Variants in TENM3 observed in about 807,000 individuals in gnomAD.
TENM3 encodes teneurin-3.
A neutral mutation model predicts 255.1 loss-of-function variants in TENM3; 63 were observed. The ratio of observed to expected loss-of-function variants is 0.25; its 90% CI spans 0.20 to 0.30. The LOEUF is 0.30. Among genes scored for constraint, TENM3 ranks in the 10% least tolerant of loss-of-function variants. The probability of loss-of-function intolerance (pLI) is 1.00; values close to 1 mark genes in which losing one functional copy is unlikely to be tolerated. For synonymous variants in TENM3, 1,306 were observed against 1,322.3 expected, an observed-to-expected ratio of 0.99 and a Z score of 0.27; for missense variants, 2,929 against 3,461.1, an observed-to-expected ratio of 0.85 and a Z score of 3.86.
intron 1 of TENM3, among the ~76,000 whole-genome samples, chr4:182,308,314 A>G (rs1370491942): frequency 6.6e-6 from 1 of 150,520 alleles, no homozygotes. Flanking sequence ...GATTATGCAC[A>G]TATTTGGTTT....
the TENM3 span, among the ~76,000 whole-genome samples, chr4:181,934,260 A>G: frequency 1.3e-5 from 2 of 152,146 alleles, no homozygotes; most frequent in African/African-American, 4.8e-5. Flanking sequence ...TTGAGTCTGT[A>G]CAGTGCACTA....
intron 3 of TENM3, among the ~76,000 whole-genome samples, chr4:182,585,236 T>G (rs559993227): frequency 6.6e-6 from 1 of 152,290 alleles, no homozygotes; most frequent in African/African-American, 2.4e-5. Context: ...AGGTGAGGAA[T>G]TGGAGTATTT....
the TENM3 span, among the ~76,000 whole-genome samples, chr4:181,683,006 C>A: frequency 2.0e-5 from 3 of 150,798 alleles, no homozygotes; most frequent in Admixed American, 6.6e-5. Context: ...TTGAGACCAG[C>A]CTTGGCAACA....
rs1442838710 is a variant in TENM3 at position 182,800,933 on chromosome 4, A to G, written c.*582A>G. On this transcript the variant is annotated 3_prime_UTR_variant, in exon 28 of 28. Transcript: ENST00000511685. ...ATGCTAACGTGGTTTCCCTTCGGGG[A>G]AAAAACTGGCAACTAGAATCCTTGT... is the stretch of plus-strand genomic sequence containing the variant. 6.6e-6 allele frequency: 1 copy of G among 152,648 alleles called. No homozygotes were observed. Among genetic ancestry groups the G allele is most frequent in the Non-Finnish European group, 1.5e-5 (1 of 68,054 alleles). 9.5% of individuals were successfully genotyped at this position (152,648 alleles called of 1,614,324 possible).
At chr4:181,704,735 T>C in the TENM3 span, among the ~76,000 whole-genome samples, 1 of 151,988 alleles carries the variant, frequency 6.6e-6, no homozygotes, top group African/African-American at 2.4e-5. Flanking sequence ...ATTTTAGTGA[T>C]AAAGGAGAGA....
chr4:181,482,258 T>C, the TENM3 span, among the ~76,000 whole-genome samples: 5 of 152,282 alleles, frequency 3.3e-5, no homozygotes, highest in South Asian at 1.0e-3. Flanking sequence ...CAACTTCTCC[T>C]TTCTACACTT....
chr4:182,380,471 G>A (rs1767489784), intron 3 of TENM3, among the ~76,000 whole-genome samples: 1 of 152,154 alleles, frequency 6.6e-6, no homozygotes, highest in African/African-American at 2.4e-5. Flanking sequence ...TGCAGTGCCT[G>A]GCATTGCGTA....
chr4:182,049,990 A>AT, the TENM3 span, among the ~76,000 whole-genome samples: 12 of 110,858 alleles, frequency 1.1e-4, no homozygotes, highest in Non-Finnish European at 2.3e-4. Context: ...ATTTTTTTTA[A>AT]TTAAAAAAAA....
At chr4:181,472,572 C>T in the TENM3 span, among the ~76,000 whole-genome samples, 2 of 151,930 alleles carry the variant, frequency 1.3e-5, no homozygotes, top group African/African-American at 2.4e-5. Context: ...GGATGCTGGG[C>T]AAGGGCAGGA....
At chr4:182,666,743 CAAA>C (rs1202867363) in intron 6 of TENM3, among the ~76,000 whole-genome samples, 1 of 151,658 alleles carries the variant, frequency 6.6e-6, no homozygotes, top group Non-Finnish European at 1.5e-5. Flanking sequence ...CAAAAAATAC[CAAA>C]AAATTAGCCA....
the TENM3 span, among the ~76,000 whole-genome samples, chr4:181,896,198 G>A: frequency 3.6e-3 from 542 of 152,254 alleles, 1 homozygote; most frequent in South Asian, 0.016. Context: ...TGATTTGTTG[G>A]GAAGTGAATG....
chr4:181,775,575 T>C, the TENM3 span, among the ~76,000 whole-genome samples: 1 of 152,194 alleles, frequency 6.6e-6, no homozygotes, highest in Non-Finnish European at 1.5e-5. Flanking sequence ...TTATGTTTTC[T>C]ACTAAGTTAT....
At chr4:182,798,943 T>A (rs189297437) in intron 27 of TENM3, among the ~76,000 whole-genome samples, 4 of 152,278 alleles carry the variant, frequency 2.6e-5, no homozygotes. Flanking sequence ...TTTAAAACAT[T>A]TGCCAGTCTA....
At chr4:182,737,497 G>A (rs1761256395) in intron 17 of TENM3, among the ~76,000 whole-genome samples, 1 of 152,138 alleles carries the variant, frequency 6.6e-6, no homozygotes, top group African/African-American at 2.4e-5. Flanking sequence ...TAACAGGATA[G>A]CAGACATTTG....
intron 2 of TENM3, among the ~76,000 whole-genome samples, chr4:182,343,203 C>G (rs561929166): frequency 2.0e-5 from 3 of 152,290 alleles, no homozygotes; most frequent in Admixed American, 2.0e-4. Context: ...CTAACCTTGC[C>G]TTTTAATCAC....
intron 5 of TENM3, among the ~76,000 whole-genome samples, chr4:182,642,283 T>C (rs1752383960): frequency 6.6e-6 from 1 of 152,198 alleles, no homozygotes; most frequent in Non-Finnish European, 1.5e-5. Context: ...CAGTCTGTTT[T>C]AGAAATTCTA....
the TENM3 span, among the ~76,000 whole-genome samples, chr4:181,998,458 TC>T: frequency 1.3e-5 from 2 of 152,148 alleles, no homozygotes; most frequent in Admixed American, 6.6e-5. Context: ...AGACATTGTT[TC>T]CCCCGTACCC....
chr4:182,119,698 GA>G, the TENM3 span, among the ~76,000 whole-genome samples: 1 of 151,730 alleles, frequency 6.6e-6, no homozygotes, highest in African/African-American at 2.4e-5. Context: ...AGAAACTATG[GA>G]AAAAAACACA....
intron 1 of TENM3, among the ~76,000 whole-genome samples, chr4:182,258,676 A>C (rs1396434207): frequency 1.3e-5 from 2 of 152,192 alleles, no homozygotes; most frequent in Non-Finnish European, 2.9e-5. Context: ...TATAGCCTTT[A>C]GTCCCACAAT....
Sources: allele counts gnomAD v4.1 joint callset (sites outside exome capture counted in the v4.1 genomes callset), GRCh38; gene constraint gnomAD v4.1.1; transcripts MANE v1.5; gene names NCBI Gene and HGNC (gene_info 2026-07-23, HGNC 2026-07-21).